GPR39: variants seen among roughly 807,000 people sequenced by gnomAD.
GPR39 encodes the protein zinc sensing receptor.
Under a neutral mutation model 18.4 loss-of-function variants are expected in GPR39, and 23 were observed. The observed-to-expected ratio is 1.25, with a 90% CI of 0.90 to 1.77. GPR39 has a LOEUF of 1.77. Ranked by LOEUF, GPR39 falls within the 40% of genes most tolerant of loss-of-function variation. GPR39 has a pLI of 0.00. For synonymous variants in GPR39, 280 were observed against 257.9 expected (o/e 1.09, Z -0.82); for missense variants, 647 against 602.4 (o/e 1.07, Z -0.78).
At chr2:132,642,078 T>C (rs1009367469) in intron 1 of GPR39, among the ~76,000 whole-genome samples, 3 of 152,216 alleles carry the variant, frequency 2.0e-5, no homozygotes, top group Non-Finnish European at 4.4e-5. Flanking sequence ...GAGAAATGCA[T>C]GGGAAATTAG....
chr2:132,623,837 A>T (rs1288433161), intron 1 of GPR39, among the ~76,000 whole-genome samples: 1 of 152,168 alleles, frequency 6.6e-6, no homozygotes, highest in African/African-American at 2.4e-5. Context: ...ACTCCTTTTT[A>T]GTTCAGCCAA....
intron 1 of GPR39, among the ~76,000 whole-genome samples, chr2:132,500,395 A>G (rs995744130): frequency 3.3e-5 from 5 of 152,276 alleles, no homozygotes; most frequent in East Asian, 1.9e-4. Flanking sequence ...TGACTTATAT[A>G]TGTTGAAACA....
intron 1 of GPR39, among the ~76,000 whole-genome samples, chr2:132,641,359 T>C (rs1681853188): frequency 6.6e-6 from 1 of 152,178 alleles, no homozygotes; most frequent in South Asian, 2.1e-4. Flanking sequence ...ATACAGGCTA[T>C]GTGGGAGGTT....
chr2:132,591,565 T>C (rs1354867047), intron 1 of GPR39, among the ~76,000 whole-genome samples: 1 of 152,202 alleles, frequency 6.6e-6, no homozygotes, highest in Admixed American at 6.5e-5. Flanking sequence ...TGTGAGTCAG[T>C]ACTCCTTAAT....
At chr2:132,492,556 TATATACG>T (rs1681501141) in intron 1 of GPR39, among the ~76,000 whole-genome samples, 5 of 141,480 alleles carry the variant, frequency 3.5e-5, no homozygotes, top group Non-Finnish European at 7.6e-5. Flanking sequence ...ATATACACCA[TATATACG>T]ATATATACCA....
At chr2:132,495,564 C>A (rs1484803074) in intron 1 of GPR39, among the ~76,000 whole-genome samples, 1 of 152,152 alleles carries the variant, frequency 6.6e-6, no homozygotes, top group Non-Finnish European at 1.5e-5. Context: ...CTGACCTCGG[C>A]AGCAGAGAGG....
chr2:132,429,652 A>G (rs1321863047), intron 1 of GPR39, among the ~76,000 whole-genome samples: 1 of 152,234 alleles, frequency 6.6e-6, no homozygotes, highest in East Asian at 1.9e-4. Flanking sequence ...AAAAGAGTGT[A>G]AAGGAGCCTT....
intron 1 of GPR39, among the ~76,000 whole-genome samples, chr2:132,508,224 GCTCC>G (rs1264201646): frequency 6.6e-6 from 1 of 151,978 alleles, no homozygotes; most frequent in African/African-American, 2.4e-5. Context: ...GGGTTTAAAG[GCTCC>G]CTCCCAGGAG....
At position 132,646,373 on chromosome 2, in the gene GPR39, T is replaced by A; in HGVS notation, c.*767T>A. 1 of 794,424 alleles carries A rather than the reference T, an allele frequency of 1.3e-6. No homozygotes were observed. Among genetic ancestry groups the A allele is most frequent in the Non-Finnish European group, 1.8e-6 (1 of 548,236 alleles). 49.2% of individuals were successfully genotyped at this position (794,424 alleles called of 1,614,324 possible). ...CAAATCCAAACGGACAGCTCTTCCTTACTCCTCCCACAGCCCAGAGACTAG... is the reference window on the plus strand; with the variant it reads ...CAAATCCAAACGGACAGCTCTTCCTAACTCCTCCCACAGCCCAGAGACTAG... On this transcript the variant is annotated 3_prime_UTR_variant, in exon 2 of 2. Transcript: ENST00000329321.
intron 1 of GPR39, among the ~76,000 whole-genome samples, chr2:132,489,927 G>GATC (rs1276040888): frequency 4.6e-5 from 7 of 151,934 alleles, no homozygotes; most frequent in African/African-American, 1.7e-4. Flanking sequence ...ACAGGCCCAG[G>GATC]AGCTTGCAGG....
intron 1 of GPR39, among the ~76,000 whole-genome samples, chr2:132,491,242 C>T (rs953798767): frequency 6.6e-6 from 1 of 152,176 alleles, no homozygotes; most frequent in African/African-American, 2.4e-5. Context: ...TGATCATTCA[C>T]AAGTGCCCAG....
At chr2:132,425,139 T>C (rs977265417) in intron 1 of GPR39, among the ~76,000 whole-genome samples, 1 of 152,194 alleles carries the variant, frequency 6.6e-6, no homozygotes, top group Non-Finnish European at 1.5e-5. Flanking sequence ...CAAAACTTCC[T>C]ACCACTTACA....
At chr2:132,599,840 A>G (rs1401229251) in intron 1 of GPR39, among the ~76,000 whole-genome samples, 1 of 152,200 alleles carries the variant, frequency 6.6e-6, no homozygotes, top group Non-Finnish European at 1.5e-5. Context: ...ACTCTCCTTG[A>G]TAAGCTAGAC....
At chr2:132,577,806 A>G (rs1460143637) in intron 1 of GPR39, among the ~76,000 whole-genome samples, 4 of 152,108 alleles carry the variant, frequency 2.6e-5, no homozygotes, top group Non-Finnish European at 5.9e-5. Flanking sequence ...TACATAAACT[A>G]TCATGCCATC....
chr2:132,487,538 AG>A (rs1006947931), intron 1 of GPR39, among the ~76,000 whole-genome samples: 14 of 152,366 alleles, frequency 9.2e-5, no homozygotes, highest in African/African-American at 3.4e-4. Flanking sequence ...TAATTAACAA[AG>A]GAACTTAGGA....
intron 1 of GPR39, among the ~76,000 whole-genome samples, chr2:132,625,988 T>C (rs887895568): frequency 2.6e-5 from 4 of 151,768 alleles, no homozygotes; most frequent in Admixed American, 1.3e-4. Context: ...TAGTCCCAGC[T>C]ACTCGGGAGG....
At chr2:132,605,111 A>G (rs1681110846) in intron 1 of GPR39, among the ~76,000 whole-genome samples, 1 of 152,362 alleles carries the variant, frequency 6.6e-6, no homozygotes, top group East Asian at 1.9e-4. Flanking sequence ...CCAAGGTCAC[A>G]TAAGATAAAT....
rs1682033473 is a variant in GPR39, at chr2:132,645,742, A to C, written c.*136A>C. ...GAGGCTTTACAAAAGGCAGATGCCC[A>C]CCTCAGTGACTTCTAAGGACTGACT... is the stretch of plus-strand genomic sequence containing the variant. On this transcript the variant is annotated 3_prime_UTR_variant, in exon 2 of 2. Coordinates refer to ENST00000329321, the MANE Select transcript of GPR39 (RefSeq NM_001508.3). 5.5e-5 allele frequency: 67 copies of C among 1,221,640 alleles called. No individual in the cohort carries two copies. Among genetic ancestry groups the C allele is most frequent in the Non-Finnish European group, 7.3e-5 (65 of 893,548 alleles). The allele number at this position is 1,221,640 out of a possible 1,614,324, so 75.7% of individuals were successfully genotyped here. A position where few individuals can be genotyped will look rare whatever the true frequency, so the allele number is the denominator to read the frequency against.
At chr2:132,521,874 T>C (rs1363959100) in intron 1 of GPR39, among the ~76,000 whole-genome samples, 2 of 152,250 alleles carry the variant, frequency 1.3e-5, no homozygotes, top group East Asian at 3.8e-4. Flanking sequence ...TCTGTGTATG[T>C]CCTTAATGGA....
Sources: allele counts gnomAD v4.1 joint callset (sites outside exome capture counted in the v4.1 genomes callset), GRCh38; gene constraint gnomAD v4.1.1; transcripts MANE v1.5; gene names NCBI Gene and HGNC (gene_info 2026-07-23, HGNC 2026-07-21).